ACVR1: variants seen among roughly 807,000 people sequenced by gnomAD.
The protein encoded by ACVR1 is activin A receptor type 1.
A neutral mutation model predicts 57.1 loss-of-function variants in ACVR1; 38 were observed. The observed-to-expected ratio is 0.67, with a 90% CI of 0.51 to 0.87. The LOEUF (loss-of-function observed/expected upper bound fraction) is 0.87, where lower values mean the gene tolerates loss of function less well. Among genes scored for constraint, ACVR1 ranks in the 40% least tolerant of loss-of-function variants. ACVR1 has a pLI of 0.00. For synonymous variants in ACVR1, 212 were observed against 228.1 expected, an observed-to-expected ratio of 0.93 and a Z score of 0.63; for missense variants, 463 against 638.2, an observed-to-expected ratio of 0.73 and a Z score of 2.96.
intron 9 of ACVR1, among the ~76,000 whole-genome samples, chr2:157,750,495 A>G (rs942341364): frequency 1.3e-5 from 2 of 152,214 alleles, no homozygotes; most frequent in Non-Finnish European, 2.9e-5. Flanking sequence ...CACAGACACC[A>G]CTGATGCCAA....
intron 1 of ACVR1, among the ~76,000 whole-genome samples, chr2:157,863,312 C>T (rs1368537707): frequency 7.8e-6 from 1 of 127,434 alleles, no homozygotes; most frequent in Non-Finnish European, 1.6e-5. Flanking sequence ...CATGCCCAGC[C>T]TATAGAACAG....
intron 1 of ACVR1, among the ~76,000 whole-genome samples, chr2:157,831,415 C>G (rs1052803070): frequency 3.3e-5 from 5 of 152,176 alleles, no homozygotes; most frequent in Admixed American, 6.5e-5. Flanking sequence ...TGTGTTCAAG[C>G]AAACCTGCAA....
chr2:157,781,468 T>C (rs893537558), intron 3 of ACVR1, among the ~76,000 whole-genome samples: 9 of 152,298 alleles, frequency 5.9e-5, no homozygotes, highest in Non-Finnish European at 1.2e-4. Context: ...GTGGTAACAC[T>C]AAAGTTTACA....
At chr2:157,869,150 T>A (rs930716327) in intron 1 of ACVR1, among the ~76,000 whole-genome samples, 2 of 152,172 alleles carry the variant, frequency 1.3e-5, no homozygotes, top group African/African-American at 4.8e-5. Context: ...CCATTCTAAA[T>A]GAATCAGCCC....
At chr2:157,852,996 C>T (rs1487093512) in intron 1 of ACVR1, among the ~76,000 whole-genome samples, 1 of 152,168 alleles carries the variant, frequency 6.6e-6, no homozygotes, top group East Asian at 1.9e-4. Context: ...TCTCATAAAA[C>T]TTATTGTAGC....
intron 1 of ACVR1, among the ~76,000 whole-genome samples, chr2:157,845,381 A>T (rs562433098): frequency 1.5e-4 from 23 of 152,314 alleles, no homozygotes; most frequent in Middle Eastern, 3.4e-3. Context: ...TGAGAGACGC[A>T]TGGAGAGGCA....
chr2:157,746,616 T>TG (rs770623627), intron 9 of ACVR1, among the ~76,000 whole-genome samples: 1 of 152,272 alleles, frequency 6.6e-6, no homozygotes, highest in Non-Finnish European at 1.5e-5. Flanking sequence ...TGTATTTGGC[T>TG]GGGAGCCTCG....
In ACVR1 at chr2:157,738,551, C is replaced by T. The variant is rs765430692; in HGVS notation, c.1284G>A (p.Lys428=). 6.2e-7 allele frequency: 1 copy of T among 1,614,088 alleles called. No individual in the cohort carries two copies. Among genetic ancestry groups the T allele is most frequent in the Non-Finnish European group, 8.5e-7 (1 of 1,179,972 alleles). ...MVSNGIVEDY[K]PPFYDVVPND... ...TGGGAACCACATCGTAGAACGGTGG[C>T]TTGTAATCCTCCACTATACCTGCAC... The change falls in exon 10 of 11, where the codon AAG becomes AAA. Residue 428 remains lysine, a synonymous_variant. Coordinates refer to ENST00000434821, the MANE Select transcript of ACVR1 (RefSeq NM_001111067.4).
At chr2:157,805,718 A>G (rs1197397716) in intron 2 of ACVR1, among the ~76,000 whole-genome samples, 2 of 151,770 alleles carry the variant, frequency 1.3e-5, no homozygotes. Context: ...ACCACTCTAC[A>G]CAACTTTCAC....
chr2:157,779,196 A>G (rs1197417168), intron 4 of ACVR1, among the ~76,000 whole-genome samples: 1 of 152,260 alleles, frequency 6.6e-6, no homozygotes, highest in Non-Finnish European at 1.5e-5. Context: ...CTCAAGGTCT[A>G]GCAGAGTGAT....
At position 157,876,115 on chromosome 2, in the gene ACVR1, G is replaced by A; in HGVS notation, c.-502C>T. Among the ~76,000 whole-genome samples, 1 of 150,444 alleles carries A rather than the reference G, an allele frequency of 6.6e-6. No individual in the cohort carries two copies. The highest frequency in any genetic ancestry group is 1.5e-5 in the Non-Finnish European group (1 of 67,330). On this transcript the variant is annotated 5_prime_UTR_variant, in exon 1 of 11. Transcript: ENST00000434821. The stretch of plus-strand genomic sequence containing the variant: ...CCGGGGGAAAGAGCCGGGGGAGGGC[G>A]GGGAGGCGGGGTGAAGAGGAGGAGG...
intron 1 of ACVR1, among the ~76,000 whole-genome samples, chr2:157,861,956 A>G (rs2105377720): frequency 6.6e-6 from 1 of 152,312 alleles, no homozygotes; most frequent in East Asian, 1.9e-4. Flanking sequence ...AGTACATTTT[A>G]CTCAAGAGGA....
intron 8 of ACVR1, among the ~76,000 whole-genome samples, chr2:157,764,553 G>A (rs1055653934): frequency 1.5e-4 from 23 of 152,012 alleles, no homozygotes; most frequent in African/African-American, 5.5e-4. Context: ...GAAGTACAGG[G>A]CACAGCGTCA....
At chr2:157,869,401 A>G (rs541704269) in intron 1 of ACVR1, among the ~76,000 whole-genome samples, 1 of 152,356 alleles carries the variant, frequency 6.6e-6, no homozygotes, top group South Asian at 2.1e-4. Flanking sequence ...TAATTTCCAC[A>G]ATACCTAGAA....
intron 2 of ACVR1, among the ~76,000 whole-genome samples, chr2:157,801,467 G>A (rs1184923566): frequency 1.3e-5 from 2 of 152,110 alleles, no homozygotes; most frequent in Non-Finnish European, 2.9e-5. Context: ...ACTTAACATC[G>A]CTTATTTCTA....
chr2:157,842,927 G>A (rs1306365534), intron 1 of ACVR1, among the ~76,000 whole-genome samples: 5 of 152,064 alleles, frequency 3.3e-5, no homozygotes, highest in African/African-American at 7.2e-5. Context: ...AAAGAACAGT[G>A]TATTTAATCA....
intron 1 of ACVR1, among the ~76,000 whole-genome samples, chr2:157,852,853 G>A (rs1235142691): frequency 1.3e-5 from 2 of 152,148 alleles, no homozygotes; most frequent in African/African-American, 2.4e-5. Context: ...TCAGGCACTA[G>A]GTACTGAGAG....
At chr2:157,748,104 G>A (rs902837130) in intron 9 of ACVR1, among the ~76,000 whole-genome samples, 6 of 152,156 alleles carry the variant, frequency 3.9e-5, no homozygotes, top group Non-Finnish European at 4.4e-5. Flanking sequence ...CATTTGTTGA[G>A]CTAAATTTTA....
At chr2:157,854,896 G>C (rs1474394772) in intron 1 of ACVR1, among the ~76,000 whole-genome samples, 1 of 150,488 alleles carries the variant, frequency 6.6e-6, no homozygotes, top group Non-Finnish European at 1.5e-5. Context: ...AAAATTAGCT[G>C]GGCATGGTGG....
Sources: allele counts gnomAD v4.1 joint callset (sites outside exome capture counted in the v4.1 genomes callset), GRCh38; gene constraint gnomAD v4.1.1; transcripts MANE v1.5; gene names NCBI Gene and HGNC (gene_info 2026-07-23, HGNC 2026-07-21).